The following PTPRT variants were observed in gnomAD, a reference collection of about 807,000 sequenced individuals.
PTPRT encodes protein tyrosine phosphatase receptor type T.
PTPRT carries 56 observed loss-of-function variants against 176.8 expected under a neutral mutation model. The ratio of observed to expected loss-of-function variants is 0.32; its 90% CI spans 0.26 to 0.40. The LOEUF (loss-of-function observed/expected upper bound fraction) is 0.40. Among genes scored for constraint, PTPRT ranks in the 10% least tolerant of loss-of-function variants. The probability of loss-of-function intolerance (pLI) is 1.00; values close to 1 mark genes in which losing one functional copy is unlikely to be tolerated. For missense variants in PTPRT, 1,540 were observed against 1,908.2 expected, an observed-to-expected ratio of 0.81 and a Z score of 3.60; for synonymous variants, 783 against 739.0, an observed-to-expected ratio of 1.06 and a Z score of -0.96.
At chr20:42,948,332 A>T (rs1396112789) in intron 1 of PTPRT, among the ~76,000 whole-genome samples, 2 of 152,116 alleles carry the variant, frequency 1.3e-5, no homozygotes, top group African/African-American at 4.8e-5. Context: ...GTATCTAGGA[A>T]CACCCGGTTC....
At chr20:43,119,331 T>C (rs896527666) in intron 1 of PTPRT, among the ~76,000 whole-genome samples, 5 of 152,252 alleles carry the variant, frequency 3.3e-5, no homozygotes, top group East Asian at 3.8e-4. Context: ...CTGTGTTCAA[T>C]ATACATAAAA....
rs563106687 is a variant in PTPRT at position 42,878,186 on chromosome 20, G to A, written c.214+7621C>T. 5.9e-5 allele frequency among the ~76,000 whole-genome samples: 9 copies of A among 152,316 alleles called. No homozygotes were observed. In the South Asian group the frequency reaches 1.2e-3, roughly 21 times the overall value. On this transcript the variant is annotated intron_variant, in intron 2 of 30. Coordinates refer to ENST00000373187, the MANE Select transcript of PTPRT (RefSeq NM_007050.6). ...ACATGATTCAGGAGTAACTGGAAAGGACTTAAATATGCAACAATATGGGGT... is the reference window on the plus strand; with the variant it reads ...ACATGATTCAGGAGTAACTGGAAAGAACTTAAATATGCAACAATATGGGGT...
At chr20:42,301,797 A>C (rs1388238495) in intron 12 of PTPRT, among the ~76,000 whole-genome samples, 1 of 152,118 alleles carries the variant, frequency 6.6e-6, no homozygotes, top group Non-Finnish European at 1.5e-5. Flanking sequence ...TGTGCATTTG[A>C]AACTACCTTG....
At chr20:42,850,369 ACT>A (rs1333129622) in intron 2 of PTPRT, among the ~76,000 whole-genome samples, 3 of 152,128 alleles carry the variant, frequency 2.0e-5, no homozygotes, top group African/African-American at 4.8e-5. Context: ...CCAATTACTA[ACT>A]CTGTCATTTT....
intron 15 of PTPRT, among the ~76,000 whole-genome samples, chr20:42,212,416 CA>C (rs34652089): frequency 0.31 from 28,501 of 90,570 alleles, 2,685 homozygotes; most frequent in East Asian, 0.42. Flanking sequence ...TCTTTTTTCT[CA>C]AAAAAAAAAA....
chr20:42,869,012 G>A (rs1211276740), intron 2 of PTPRT, among the ~76,000 whole-genome samples: 1 of 152,216 alleles, frequency 6.6e-6, no homozygotes, highest in African/African-American at 2.4e-5. Context: ...TCCACATGGT[G>A]TTGACCCTGC....
chr20:42,570,930 C>T (rs1400779154), intron 7 of PTPRT, among the ~76,000 whole-genome samples: 1 of 149,580 alleles, frequency 6.7e-6, no homozygotes, highest in Non-Finnish European at 1.5e-5. Context: ...GGGATTAGAA[C>T]ACGGACATAG....
intron 7 of PTPRT, among the ~76,000 whole-genome samples, chr20:42,671,853 C>G (rs1001143837): frequency 6.6e-6 from 1 of 152,144 alleles, no homozygotes; most frequent in Non-Finnish European, 1.5e-5. Flanking sequence ...AAGACACAGA[C>G]TTAAATTGCT....
intron 25 of PTPRT, 70 bp from the exon 26 acceptor site, chr20:42,102,367 G>A (rs927690928): frequency 7.3e-6 from 11 of 1,515,626 alleles, no homozygotes; most frequent in African/African-American, 5.5e-5. Flanking sequence ...AGACAGTAAT[G>A]TTCCAACTCA....
intron 12 of PTPRT, among the ~76,000 whole-genome samples, chr20:42,288,577 C>A (rs1268328905): frequency 6.6e-6 from 1 of 151,830 alleles, no homozygotes; most frequent in African/African-American, 2.4e-5. Context: ...CCATGTGTAC[C>A]CAATGTTTAG....
chr20:42,432,040 A>G (rs1441268397), intron 9 of PTPRT, among the ~76,000 whole-genome samples: 2 of 152,234 alleles, frequency 1.3e-5, no homozygotes, highest in African/African-American at 4.8e-5. Flanking sequence ...GTGAAGGGCT[A>G]GTCTTCAGGG....
intron 15 of PTPRT, among the ~76,000 whole-genome samples, chr20:42,234,554 C>A (rs554397904): frequency 2.0e-5 from 3 of 152,170 alleles, no homozygotes; most frequent in Admixed American, 6.5e-5. Context: ...TATCCCCTGC[C>A]ACACAAAAAA....
At chr20:42,425,664 T>G (rs971267959) in intron 9 of PTPRT, among the ~76,000 whole-genome samples, 15 of 152,214 alleles carry the variant, frequency 9.9e-5, no homozygotes, top group Admixed American at 9.2e-4. Context: ...GAGATGGATA[T>G]GTTAATTAGA....
chr20:42,379,920 C>T (rs764421372), intron 9 of PTPRT, among the ~76,000 whole-genome samples: 4 of 152,132 alleles, frequency 2.6e-5, no homozygotes, highest in Non-Finnish European at 4.4e-5. Context: ...CATGGGCTTT[C>T]AAAAGGCCTG....
chr20:42,978,455 GA>G (rs758472921), intron 1 of PTPRT, among the ~76,000 whole-genome samples: 5 of 152,164 alleles, frequency 3.3e-5, no homozygotes, highest in Non-Finnish European at 5.9e-5. Context: ...CTGCTCTCCA[GA>G]AAGATTGCAA....
intron 1 of PTPRT, among the ~76,000 whole-genome samples, chr20:43,095,292 G>C (rs2012084350): frequency 6.6e-6 from 1 of 152,090 alleles, no homozygotes; most frequent in African/African-American, 2.4e-5. Context: ...CCTGCCATTA[G>C]TCATTTCTCC....
At chr20:42,405,663 G>A (rs2058954643) in intron 9 of PTPRT, among the ~76,000 whole-genome samples, 1 of 152,144 alleles carries the variant, frequency 6.6e-6, no homozygotes, top group Admixed American at 6.6e-5. Context: ...ATGTGTGCAT[G>A]TGTTTTTATA....
At chr20:42,435,806 A>G (rs1459797942) in intron 9 of PTPRT, among the ~76,000 whole-genome samples, 1 of 152,242 alleles carries the variant, frequency 6.6e-6, no homozygotes, top group East Asian at 1.9e-4. Context: ...GCCAAGGGCA[A>G]GAATAACCAA....
At chr20:42,354,675 T>C (rs1482805612) in intron 9 of PTPRT, among the ~76,000 whole-genome samples, 1 of 152,170 alleles carries the variant, frequency 6.6e-6, no homozygotes. Context: ...AAGCCAGCTA[T>C]ATACACAGCT....
Sources: allele counts gnomAD v4.1 joint callset (sites outside exome capture counted in the v4.1 genomes callset), GRCh38; gene constraint gnomAD v4.1.1; transcripts MANE v1.5; gene names NCBI Gene and HGNC (gene_info 2026-07-23, HGNC 2026-07-21).